ADGRG6: variants seen among roughly 807,000 people sequenced by gnomAD.
ADGRG6 encodes G-protein coupled receptor 126.
Under a neutral mutation model 142.4 loss-of-function variants are expected in ADGRG6, and 84 were observed. The observed-to-expected ratio is 0.59, with a 90% CI of 0.49 to 0.71. The LOEUF is 0.71. ADGRG6 is among the 30% of genes least tolerant of loss of function. The pLI, the probability that ADGRG6 is intolerant of heterozygous loss-of-function variation, is 0.00. For synonymous variants in ADGRG6, 521 were observed against 520.5 expected (o/e 1.00, Z -0.01); for missense variants, 1,367 against 1,466.6 (o/e 0.93, Z 1.11).
At chr6:142,386,902 G>T (rs1006764969) in intron 6 of ADGRG6, among the ~76,000 whole-genome samples, 7 of 152,090 alleles carry the variant, frequency 4.6e-5, no homozygotes, top group Non-Finnish European at 1.0e-4. Context: ...TGAATCCAAG[G>T]TACACAGCTT....
At chr6:142,413,423 A>G (rs975985469) in intron 18 of ADGRG6, among the ~76,000 whole-genome samples, 23 of 152,304 alleles carry the variant, frequency 1.5e-4, no homozygotes, top group Middle Eastern at 6.8e-3. Context: ...GTACATTTTC[A>G]TATTGGCTAT....
intron 2 of ADGRG6, among the ~76,000 whole-genome samples, chr6:142,341,428 A>G: frequency 8.3e-6 from 1 of 120,910 alleles, no homozygotes; most frequent in East Asian, 2.1e-4. Flanking sequence ...TAATTATATA[A>G]TATATATAAT....
At chr6:142,396,779 G>C (rs1458837965) in intron 9 of ADGRG6, among the ~76,000 whole-genome samples, 2 of 152,016 alleles carry the variant, frequency 1.3e-5, no homozygotes. Flanking sequence ...TCCTCTACCT[G>C]ACAAAATAAT....
intron 4 of ADGRG6, among the ~76,000 whole-genome samples, chr6:142,375,469 G>C (rs1296895779): frequency 6.6e-6 from 1 of 152,182 alleles, no homozygotes; most frequent in Non-Finnish European, 1.5e-5. Flanking sequence ...AGCTTTGGGA[G>C]TTGAAGAGTC....
intron 2 of ADGRG6, among the ~76,000 whole-genome samples, chr6:142,348,427 A>G (rs1483536385): frequency 6.6e-6 from 1 of 151,838 alleles, no homozygotes; most frequent in Non-Finnish European, 1.5e-5. Context: ...TTATATTGGT[A>G]AAAAAAAGGA....
chr6:142,424,778 G>A (rs905497601), intron 22 of ADGRG6, among the ~76,000 whole-genome samples: 3 of 151,990 alleles, frequency 2.0e-5, no homozygotes, highest in Non-Finnish European at 4.4e-5. Context: ...ATCATGATGT[G>A]GTCCCTCTGC....
intron 22 of ADGRG6, among the ~76,000 whole-genome samples, chr6:142,424,876 A>G (rs1260874598): frequency 6.6e-6 from 1 of 152,184 alleles, no homozygotes; most frequent in Non-Finnish European, 1.5e-5. Context: ...AGAATGTGTT[A>G]CAAAAAAACA....
At chr6:142,345,614 A>C (rs1234453282) in intron 2 of ADGRG6, among the ~76,000 whole-genome samples, 1 of 152,166 alleles carries the variant, frequency 6.6e-6, no homozygotes, top group Admixed American at 6.6e-5. Flanking sequence ...TCTCCCCCTA[A>C]CAGCATGTAG....
intron 4 of ADGRG6, among the ~76,000 whole-genome samples, chr6:142,372,481 ACTC>A (rs1781306621): frequency 6.6e-6 from 1 of 151,532 alleles, no homozygotes; most frequent in Non-Finnish European, 1.5e-5. Flanking sequence ...TGGCCTGAGA[ACTC>A]CTGTTACCCA....
intron 22 of ADGRG6, among the ~76,000 whole-genome samples, chr6:142,432,540 T>C (rs1582686297): frequency 6.6e-6 from 1 of 152,182 alleles, no homozygotes; most frequent in Non-Finnish European, 1.5e-5. Context: ...TAGTGGAAGG[T>C]AGAACATTTA....
At position 142,405,715 on chromosome 6, in the gene ADGRG6, C is replaced by T; in HGVS notation, c.2155C>T (p.Pro719Ser). Residue 719 changes from proline to serine, a missense_variant, in exon 15 of 25, where the codon CCA becomes TCA. Pro to Ser is a moderately conservative substitution (Grantham distance 74). This residue lies in a region of ADGRG6 where 286 missense variants were observed against 371.4 expected (regional missense o/e 0.77). Coordinates refer to ENST00000367609, the MANE Select transcript of ADGRG6 (RefSeq NM_198569.3). ...GGATTTTGAGAGTGGACAAGTGGAT[C>T]CACTGGCATCTGTAATTTTGCCTCC... is the stretch of plus-strand genomic sequence containing the variant. ...QMDFESGQVD[P>S]LASVILPPNL... 1.9e-6 allele frequency: 3 copies of T among 1,608,662 alleles called. No individual in the cohort carries two copies. Among genetic ancestry groups the T allele is most frequent in the African/African-American group, 1.3e-5 (1 of 74,916 alleles).
intron 18 of ADGRG6, among the ~76,000 whole-genome samples, chr6:142,413,899 TCACACACACACA>T (rs112923600): frequency 0.045 from 6,362 of 141,468 alleles, 257 homozygotes; most frequent in Middle Eastern, 0.12. Context: ...CATTTCTTTA[TCACACACACACA>T]CACACACACA....
chr6:142,440,334 A>C (rs1001808767), intron 24 of ADGRG6, among the ~76,000 whole-genome samples: 3 of 152,104 alleles, frequency 2.0e-5, no homozygotes, highest in African/African-American at 4.8e-5. Flanking sequence ...TCTGTTTACC[A>C]GGCTGGAGTG....
At chr6:142,308,201 C>T (rs1472285368) in intron 1 of ADGRG6, among the ~76,000 whole-genome samples, 2 of 151,916 alleles carry the variant, frequency 1.3e-5, no homozygotes, top group East Asian at 1.9e-4. Flanking sequence ...TGAAAGGCAT[C>T]GTCTTATGTA....
intron 2 of ADGRG6, among the ~76,000 whole-genome samples, chr6:142,333,034 G>A (rs1436731707): frequency 6.6e-6 from 1 of 152,220 alleles, no homozygotes; most frequent in Non-Finnish European, 1.5e-5. Flanking sequence ...CTAGAGTGGA[G>A]ATGGTCACAG....
At chr6:142,358,270 T>C (rs899570313) in intron 2 of ADGRG6, among the ~76,000 whole-genome samples, 3 of 152,096 alleles carry the variant, frequency 2.0e-5, no homozygotes, top group Admixed American at 2.0e-4. Context: ...ATAAGGTGAG[T>C]GTGTGTCTTT....
rs750188979 is a variant in ADGRG6 at position 142,420,112 on chromosome 6, A to T, written c.3319+8A>T. Reference sequence around the variant, plus strand: ...TCTTCAATTCATTACAAGGTAAGATAAATTGTACATGAATAGTCTCTGCTT... The same window carrying T: ...TCTTCAATTCATTACAAGGTAAGATTAATTGTACATGAATAGTCTCTGCTT... On this transcript the variant is annotated splice_region_variant and intron_variant, in intron 22 of 24. Transcript: ENST00000367609. 56 of 1,602,690 alleles carry T rather than the reference A, an allele frequency of 3.5e-5. 1 individual carries two copies. The South Asian group carries it at 6.0e-4, about 17-fold the overall frequency.
chr6:142,411,534 C>T (rs191097362), intron 18 of ADGRG6, 123 bp downstream of exon 18: 24 of 617,592 alleles, frequency 3.9e-5, no homozygotes, highest in East Asian at 2.7e-4. Context: ...TCATCTGTAC[C>T]GTGAATCTTA....
chr6:142,303,337 C>T (rs2114470825), intron 1 of ADGRG6, among the ~76,000 whole-genome samples: 1 of 152,258 alleles, frequency 6.6e-6, no homozygotes, highest in South Asian at 2.1e-4. Flanking sequence ...CCCCTAGGTC[C>T]TGTTTTTCCA....
Sources: gnomAD v4.1 joint callset for allele counts (sites outside exome capture counted in the v4.1 genomes callset) on GRCh38, gnomAD v4.1.1 for gene constraint, gnomAD v4.1.1 regional missense constraint, MANE v1.5 for transcripts, NCBI Gene and HGNC (gene_info 2026-07-23, HGNC 2026-07-21) for gene names.